Variants in TARBP1 observed in about 807,000 individuals in gnomAD.
The protein encoded by TARBP1 is tRNA (guanosine(18)-2'-O)-methyltransferase TARBP1.
In TARBP1, 144 loss-of-function variants were observed where a neutral mutation model predicts 178.6. That is an observed-to-expected ratio of 0.81 (90% CI 0.70 to 0.93). The LOEUF is 0.93. TARBP1 is among the 40% of genes least tolerant of loss of function. The pLI is 0.00. For synonymous variants in TARBP1, 787 were observed against 781.0 expected (o/e 1.01, Z -0.13); for missense variants, 2,067 against 2,011.7 (o/e 1.03, Z -0.53).
In TARBP1 at chr1:234,420,802, A is replaced by G. The variant is rs755140107; in HGVS notation, c.3455T>C (p.Val1152Ala). The G allele has an allele frequency of 4.4e-6, 7 of 1,598,430 alleles. No individual in the cohort carries two copies. Among genetic ancestry groups the G allele is most frequent in the South Asian group, 2.2e-5 (2 of 89,472 alleles). Residue 1152 changes from valine to alanine, a missense_variant, in exon 21 of 30, where the codon GTG (valine) becomes GCG (alanine). Transcript: ENST00000040877. ...ATAGTAGCGTTTTTTGGACTTGGACACTAATTCATCCTGGAAAGGAGAAGG... is the reference window on the plus strand; with the variant it reads ...ATAGTAGCGTTTTTTGGACTTGGACGCTAATTCATCCTGGAAAGGAGAAGG... The part of the protein sequence containing the change: ...AIKLLDKDEL[V>A]SKSKKRYYVN...
intron 23 of TARBP1, 100 bp from the exon 24 acceptor site, chr1:234,406,199 T>TGTGATTG: frequency 9.2e-7 from 1 of 1,085,434 alleles, no homozygotes. Context: ...CAACTGCTCC[T>TGTGATTG]AGTAAAACTT....
intron 2 of TARBP1, among the ~76,000 whole-genome samples, 194 bp downstream of exon 2, chr1:234,472,520 A>G (rs1669170925): frequency 6.6e-6 from 1 of 152,190 alleles, no homozygotes; most frequent in Admixed American, 6.5e-5. Flanking sequence ...TAATTTGTCA[A>G]CTGAAAGTAT....
intron 12 of TARBP1, among the ~76,000 whole-genome samples, chr1:234,445,624 TA>T (rs1203149742): frequency 1.3e-5 from 2 of 152,190 alleles, no homozygotes; most frequent in East Asian, 1.9e-4. Context: ...ATAAAGTAGT[TA>T]AAAAAATATC....
intron 12 of TARBP1, among the ~76,000 whole-genome samples, chr1:234,445,964 T>C (rs2103201523): frequency 1.3e-5 from 2 of 152,320 alleles, no homozygotes; most frequent in Admixed American, 6.5e-5. Flanking sequence ...TGAATTCAAA[T>C]GTATGCCCTT....
At chr1:234,446,024 T>C (rs1252395241) in intron 12 of TARBP1, among the ~76,000 whole-genome samples, 1 of 150,384 alleles carries the variant, frequency 6.6e-6, no homozygotes, top group Non-Finnish European at 1.5e-5. Flanking sequence ...TAGCATTTGG[T>C]TCTGCTACTA....
At chr1:234,393,869 T>C (rs763316621) in intron 26 of TARBP1, 32 bp from the exon 27 acceptor site, 43 of 1,517,546 alleles carry the variant, frequency 2.8e-5, no homozygotes, top group Non-Finnish European at 3.5e-5. Flanking sequence ...ATCCCACATA[T>C]AAATAAATCT....
chr1:234,408,378 T>TA (rs1661477190), intron 23 of TARBP1, among the ~76,000 whole-genome samples: 1 of 151,998 alleles, frequency 6.6e-6, no homozygotes, highest in South Asian at 2.1e-4. Context: ...GGGAGAAACT[T>TA]AGTTTAGTTT....
At chr1:234,436,979 T>C (rs1415934426) in intron 13 of TARBP1, among the ~76,000 whole-genome samples, 1 of 152,176 alleles carries the variant, frequency 6.6e-6, no homozygotes, top group Non-Finnish European at 1.5e-5. Flanking sequence ...CCAAAATGCA[T>C]TGAATGTGTG....
At position 234,403,371 on chromosome 1, in the gene TARBP1, T is replaced by C. The variant is rs1204561304; in HGVS notation, c.3990-2109A>G. Reference sequence around the variant, plus strand: ...GCTTTAGATTTTAATGTAAACATCATGTTACTTAGAAAGGCTTTCCCTAAA... The same window carrying C: ...GCTTTAGATTTTAATGTAAACATCACGTTACTTAGAAAGGCTTTCCCTAAA... On this transcript the variant is annotated intron_variant, in intron 24 of 29. Coordinates refer to ENST00000040877, the MANE Select transcript of TARBP1 (RefSeq NM_005646.4). Among the ~76,000 whole-genome samples the C allele has an allele frequency of 3.9e-5, 6 of 152,358 alleles. No individual in the cohort carries two copies. In the East Asian group the frequency reaches 1.2e-3, roughly 29 times the overall value.
chr1:234,458,315 G>A (rs2103253313), intron 8 of TARBP1, among the ~76,000 whole-genome samples: 1 of 152,160 alleles, frequency 6.6e-6, no homozygotes, highest in East Asian at 1.9e-4. Flanking sequence ...TTGCACTCTA[G>A]TCTGGGAGAC....
intron 26 of TARBP1, 179 bp downstream of exon 26, chr1:234,398,203 A>G (rs1211520553): frequency 2.7e-5 from 12 of 441,678 alleles, no homozygotes; most frequent in Non-Finnish European, 4.2e-5. Context: ...AAGTTTCACT[A>G]AAAGTGTTAG....
chr1:234,474,239 C>T (rs1669352228), intron 1 of TARBP1, among the ~76,000 whole-genome samples: 1 of 122,284 alleles, frequency 8.2e-6, no homozygotes, highest in East Asian at 2.7e-4. Context: ...GAGGATTTGT[C>T]TCTAAAACAC....
intron 9 of TARBP1, among the ~76,000 whole-genome samples, chr1:234,455,677 T>C (rs1009444238): frequency 6.6e-6 from 1 of 152,012 alleles, no homozygotes; most frequent in Admixed American, 6.5e-5. Flanking sequence ...AAAACAGAAA[T>C]AAGACACTTC....
chr1:234,450,826 G>A (rs1350033821), intron 9 of TARBP1, among the ~76,000 whole-genome samples: 1 of 152,050 alleles, frequency 6.6e-6, no homozygotes, highest in Non-Finnish European at 1.5e-5. Flanking sequence ...ATATGTGTGT[G>A]TGTGTGTTTT....
chr1:234,451,822 A>G (rs1558229311), intron 9 of TARBP1, among the ~76,000 whole-genome samples: 1 of 151,844 alleles, frequency 6.6e-6, no homozygotes, highest in Non-Finnish European at 1.5e-5. Flanking sequence ...ACACAGGTAC[A>G]ATGAGTGAGC....
chr1:234,427,875 GTTAAA>G, intron 17 of TARBP1, 109 bp from the exon 18 acceptor site: 4 of 644,154 alleles, frequency 6.2e-6, no homozygotes, highest in Non-Finnish European at 9.2e-6. Context: ...TCTAAAAACT[GTTAAA>G]TTCATTACTG....
chr1:234,446,897 ATTGG>A lies in TARBP1; in HGVS notation c.2036_2039del (p.Thr679MetfsTer7). ...CAGTCTTCAGCAAGGGCATGTAGGC[ATTGG>A]TACTAAACTTCATAAGCACATCCAG... is the stretch of plus-strand genomic sequence containing the variant. On this transcript the variant is annotated frameshift_variant, in exon 12 of 30. Coordinates refer to ENST00000040877, the MANE Select transcript of TARBP1 (RefSeq NM_005646.4). LOFTEE classifies it high-confidence loss of function. The A allele has an allele frequency of 6.2e-7, 1 of 1,614,092 alleles. No homozygotes were observed. Among genetic ancestry groups the A allele is most frequent in the Non-Finnish European group, 8.5e-7 (1 of 1,179,972 alleles).
chr1:234,430,938 G>A (rs977862423), intron 14 of TARBP1, among the ~76,000 whole-genome samples: 2 of 152,098 alleles, frequency 1.3e-5, no homozygotes, highest in Non-Finnish European at 2.9e-5. Flanking sequence ...TCTACTTCAC[G>A]GGGTTATTGT....
rs3835693 is a variant in TARBP1, at chr1:234,446,041, TA to T, written c.2134+761del. On this transcript the variant is annotated intron_variant, in intron 12 of 29. Transcript: ENST00000040877. The stretch of plus-strand genomic sequence containing the variant: ...GCATTTGGTTCTGCTACTATCATTA[TA>T]AAAAAATATTTTTTATATTTCATAA... 2.0e-3 allele frequency among the ~76,000 whole-genome samples: 266 copies of T among 134,508 alleles called. 1 individual carries two copies. Among genetic ancestry groups the T allele is most frequent in the East Asian group, 3.3e-3 (15 of 4,536 alleles). The allele number at this position is 134,508 out of a possible 152,430, so 88.2% of individuals were successfully genotyped here.
Sources: gnomAD v4.1 joint callset for allele counts (sites outside exome capture counted in the v4.1 genomes callset) on GRCh38, gnomAD v4.1.1 for gene constraint, MANE v1.5 for transcripts, NCBI Gene and HGNC (gene_info 2026-07-23, HGNC 2026-07-21) for gene names.